Variants in NPAS3 observed in about 807,000 individuals in gnomAD.
NPAS3 encodes the protein neuronal PAS domain-containing protein 3.
NPAS3 carries 14 observed loss-of-function variants against 73.1 expected under a neutral mutation model. The observed-to-expected ratio is 0.19, with a 90% CI of 0.13 to 0.30. NPAS3 has a LOEUF of 0.30. Ranked by LOEUF, NPAS3 falls within the 10% of genes least tolerant of loss-of-function variation. The pLI, the probability that NPAS3 is intolerant of heterozygous loss-of-function variation, is 1.00. For synonymous variants in NPAS3, 620 were observed against 541.5 expected, an observed-to-expected ratio of 1.14 and a Z score of -2.01; for missense variants, 1,096 against 1,250.0, an observed-to-expected ratio of 0.88 and a Z score of 1.86.
At chr14:33,146,299 G>T (rs113458247) in intron 2 of NPAS3, among the ~76,000 whole-genome samples, 1 of 152,086 alleles carries the variant, frequency 6.6e-6, no homozygotes, top group Non-Finnish European at 1.5e-5. Flanking sequence ...AAGGGTTTGC[G>T]TAACTGTTCT....
At chr14:33,664,003 T>C (rs1262188671) in intron 5 of NPAS3, among the ~76,000 whole-genome samples, 5 of 152,060 alleles carry the variant, frequency 3.3e-5, no homozygotes, top group East Asian at 1.9e-4. Context: ...CCTGGATTCA[T>C]TGATTTTTTT....
At chr14:33,740,339 C>A (rs2061625238) in intron 7 of NPAS3, among the ~76,000 whole-genome samples, 1 of 152,186 alleles carries the variant, frequency 6.6e-6, no homozygotes, top group Non-Finnish European at 1.5e-5. Flanking sequence ...CTTCTGATTT[C>A]AAAAGCCTTC....
rs556298026 is a variant in NPAS3, at chr14:33,404,924, T to A, written c.468+37656T>A. The stretch of plus-strand genomic sequence containing the variant: ...GGAGTTTTCCTGTTCTGGTCATTGT[T>A]GTCTGTTTGTCCCATGTTGCTCTTG... On this transcript the variant is annotated intron_variant, in intron 4 of 11. Transcript: ENST00000356141. Among the ~76,000 whole-genome samples the A allele has an allele frequency of 2.6e-5, 4 of 152,250 alleles. No homozygotes were observed. The South Asian group carries it at 8.3e-4, about 32-fold the overall frequency.
At chr14:33,156,297 G>T (rs929032961) in intron 2 of NPAS3, among the ~76,000 whole-genome samples, 8 of 152,094 alleles carry the variant, frequency 5.3e-5, no homozygotes, top group Non-Finnish European at 8.8e-5. Flanking sequence ...TATTGAATTT[G>T]TCACAGTGGC....
intron 8 of NPAS3, among the ~76,000 whole-genome samples, chr14:33,776,327 C>A (rs909445547): frequency 1.3e-5 from 2 of 151,962 alleles, no homozygotes; most frequent in Non-Finnish European, 2.9e-5. Context: ...CCACCTCTCC[C>A]TCCAAAGAAC....
intron 6 of NPAS3, among the ~76,000 whole-genome samples, chr14:33,694,071 G>C (rs4981203): frequency 0.28 from 42,677 of 151,840 alleles, 6,142 homozygotes; most frequent in Middle Eastern, 0.36. Context: ...ATTTCTTTCA[G>C]TTTTTTAAGA....
intron 4 of NPAS3, among the ~76,000 whole-genome samples, chr14:33,431,178 G>C (rs1369622312): frequency 2.0e-5 from 3 of 152,086 alleles, no homozygotes; most frequent in Admixed American, 6.6e-5. Flanking sequence ...GAGATAATAA[G>C]TACTCACATC....
chr14:33,484,411 C>A (rs1427839302), intron 4 of NPAS3, among the ~76,000 whole-genome samples: 6 of 152,174 alleles, frequency 3.9e-5, no homozygotes, highest in African/African-American at 7.2e-5. Flanking sequence ...GGAGGAGGTA[C>A]TAACACTGTA....
chr14:33,495,366 G>A (rs756905921), intron 4 of NPAS3, among the ~76,000 whole-genome samples: 30 of 151,944 alleles, frequency 2.0e-4, no homozygotes, highest in African/African-American at 3.4e-4. Flanking sequence ...ATTCATTTGC[G>A]TTTGCTGAAG....
chr14:33,302,875 G>A (rs2042609225), intron 3 of NPAS3, among the ~76,000 whole-genome samples: 1 of 150,554 alleles, frequency 6.6e-6, no homozygotes, highest in African/African-American at 2.4e-5. Flanking sequence ...TATGGATGAT[G>A]TGGTTGTGCT....
At chr14:33,466,907 T>C (rs2050553828) in intron 4 of NPAS3, among the ~76,000 whole-genome samples, 1 of 152,142 alleles carries the variant, frequency 6.6e-6, no homozygotes, top group Admixed American at 6.5e-5. Context: ...AGACATGAGA[T>C]TTGGTGAGGA....
chr14:32,938,485 T>TGGACAGAGAGAGAGAGAGAGAG (rs1491191135), upstream of NPAS3, among the ~76,000 whole-genome samples: 1 of 21,750 alleles, frequency 4.6e-5, no homozygotes, highest in Non-Finnish European at 8.6e-5. Flanking sequence ...GAGAGAGAAA[T>TGGACAGAGAGAGAGAGAGAGAG]TGAGAGAGAG....
At chr14:33,691,091 T>C (rs932141372) in intron 6 of NPAS3, among the ~76,000 whole-genome samples, 16 of 152,220 alleles carry the variant, frequency 1.1e-4, no homozygotes, top group Non-Finnish European at 7.3e-5. Context: ...ATGGTTTTGA[T>C]AAGCACATTT....
chr14:33,147,276 C>G (rs927756), intron 2 of NPAS3, among the ~76,000 whole-genome samples: 4,686 of 152,182 alleles, frequency 0.031, 92 homozygotes, highest in Middle Eastern at 0.044. Context: ...GAAGTTAAGG[C>G]TTTTCTTTCT....
intron 2 of NPAS3, among the ~76,000 whole-genome samples, chr14:33,162,089 T>G (rs1392843791): frequency 6.6e-6 from 1 of 152,216 alleles, no homozygotes; most frequent in East Asian, 1.9e-4. Context: ...TGATGTATAT[T>G]TGCTGAATGA....
intron 2 of NPAS3, among the ~76,000 whole-genome samples, chr14:33,076,463 A>G (rs915252593): frequency 1.9e-4 from 29 of 152,262 alleles, no homozygotes; most frequent in African/African-American, 6.8e-4. Flanking sequence ...TTGATTCAGC[A>G]TAATCCTTAG....
intron 3 of NPAS3, among the ~76,000 whole-genome samples, chr14:33,347,810 G>A (rs952705251): frequency 6.6e-6 from 1 of 151,880 alleles, no homozygotes; most frequent in Non-Finnish European, 1.5e-5. Flanking sequence ...TTGTTACATT[G>A]TATTGCTCAG....
At chr14:33,079,325 C>CTTTTTTTTTTTT (rs772885846) in intron 2 of NPAS3, among the ~76,000 whole-genome samples, 6,033 of 131,482 alleles carry the variant, frequency 0.046, 312 homozygotes, top group Admixed American at 0.067. Context: ...TTTCTTTTTC[C>CTTTTTTTTTTTT]TTTTTTTTTT....
At chr14:33,197,423 A>G (rs557527352) in intron 2 of NPAS3, among the ~76,000 whole-genome samples, 1 of 152,238 alleles carries the variant, frequency 6.6e-6, no homozygotes, top group East Asian at 1.9e-4. Context: ...ATTAAGCATC[A>G]GACACTGCAC....
Sources: gnomAD v4.1 joint callset for allele counts (sites outside exome capture counted in the v4.1 genomes callset) on GRCh38, gnomAD v4.1.1 for gene constraint, MANE v1.5 for transcripts, NCBI Gene and HGNC (gene_info 2026-07-23, HGNC 2026-07-21) for gene names.